Variants in GRID2 observed in about 807,000 individuals in gnomAD.
GRID2 encodes glutamate ionotropic receptor delta type subunit 2, also known as glutamate receptor ionotropic, delta-2.
GRID2 carries 33 observed loss-of-function variants against 114.8 expected under a neutral mutation model. The ratio of observed to expected loss-of-function variants is 0.29; its 90% CI spans 0.22 to 0.38. The LOEUF is 0.38. GRID2 is among the 10% of genes least tolerant of loss of function. The pLI is 1.00. For synonymous variants in GRID2, 505 were observed against 449.9 expected (o/e 1.12, Z -1.55); for missense variants, 1,184 against 1,257.7 (o/e 0.94, Z 0.89).
chr4:93,471,886 G>A (rs1432726947), intron 11 of GRID2, among the ~76,000 whole-genome samples: 2 of 149,014 alleles, frequency 1.3e-5, no homozygotes, highest in African/African-American at 2.5e-5. Context: ...TTTTAGGAGA[G>A]ACGGGGTTTC....
chr4:93,629,165 C>T (rs1001533948), intron 14 of GRID2, among the ~76,000 whole-genome samples: 2 of 149,188 alleles, frequency 1.3e-5, no homozygotes. Context: ...CTTATTAGCC[C>T]TGCAGTGCTT....
intron 1 of GRID2, among the ~76,000 whole-genome samples, chr4:92,476,086 C>T (rs373535652): frequency 8.5e-5 from 12 of 141,124 alleles, no homozygotes; most frequent in African/African-American, 3.2e-4. Flanking sequence ...AGTGCAGTGG[C>T]GCAATCTTGG....
intron 12 of GRID2, among the ~76,000 whole-genome samples, chr4:93,502,853 G>A (rs1376096145): frequency 6.6e-6 from 1 of 151,932 alleles, no homozygotes; most frequent in Admixed American, 6.6e-5. Flanking sequence ...TGAGGAAGGC[G>A]AGGAATAAGG....
intron 1 of GRID2, among the ~76,000 whole-genome samples, chr4:92,331,809 G>A (rs1477414971): frequency 6.6e-6 from 1 of 152,238 alleles, no homozygotes; most frequent in Admixed American, 6.5e-5. Flanking sequence ...ATAAGATGAG[G>A]TATTTACAAA....
At chr4:92,943,317 A>G (rs913069172) in intron 2 of GRID2, among the ~76,000 whole-genome samples, 1 of 151,666 alleles carries the variant, frequency 6.6e-6, no homozygotes, top group Non-Finnish European at 1.5e-5. Flanking sequence ...CATTTCATTC[A>G]TTTCATTCAT....
intron 4 of GRID2, among the ~76,000 whole-genome samples, chr4:93,149,065 C>CA (rs1736502741): frequency 6.6e-6 from 1 of 152,056 alleles, no homozygotes; most frequent in African/African-American, 2.4e-5. Context: ...AACAATTCTA[C>CA]ACAGTCCTGA....
At chr4:93,318,097 T>C (rs1333046225) in intron 8 of GRID2, among the ~76,000 whole-genome samples, 3 of 148,088 alleles carry the variant, frequency 2.0e-5, no homozygotes, top group African/African-American at 7.4e-5. Flanking sequence ...AGAAACAATA[T>C]AATTTATAAT....
intron 8 of GRID2, among the ~76,000 whole-genome samples, chr4:93,355,045 T>TAA (rs953187078): frequency 5.3e-5 from 8 of 151,748 alleles, no homozygotes; most frequent in Admixed American, 2.6e-4. Flanking sequence ...CATCAACATG[T>TAA]AAAAACCTCA....
chr4:93,265,315 C>G (rs1333950867), intron 8 of GRID2, among the ~76,000 whole-genome samples: 2 of 152,086 alleles, frequency 1.3e-5, no homozygotes, highest in Non-Finnish European at 2.9e-5. Context: ...CTTTTACTTA[C>G]AAGATTTAGG....
intron 9 of GRID2, among the ~76,000 whole-genome samples, chr4:93,398,133 G>GTGTGTGTGTGTGTGTATATATATATATA: frequency 1.6e-5 from 2 of 122,350 alleles, no homozygotes; most frequent in African/African-American, 7.7e-5. Context: ...ATGTGTGTGT[G>GTGTGTGTGTGTGTGTATATATATATATA]TATATATATA....
intron 2 of GRID2, among the ~76,000 whole-genome samples, chr4:92,876,329 C>T (rs1015130926): frequency 8.6e-5 from 13 of 151,044 alleles, no homozygotes; most frequent in South Asian, 4.2e-4. Flanking sequence ...GATGGAGTCT[C>T]GCTCTGTCGC....
At chr4:93,189,773 CCACACACACACACACACACACACACACA>C (rs34137840) in intron 4 of GRID2, among the ~76,000 whole-genome samples, 2 of 138,898 alleles carry the variant, frequency 1.4e-5, no homozygotes, top group African/African-American at 2.7e-5. Flanking sequence ...CCACACCACA[CCACACACACACACACACACACACACACA>C]CACACACACA....
chr4:93,074,252 G>C (rs1349526653), intron 2 of GRID2, among the ~76,000 whole-genome samples: 3 of 152,152 alleles, frequency 2.0e-5, no homozygotes, highest in Non-Finnish European at 4.4e-5. Flanking sequence ...AGGAGAGTCT[G>C]TATCAATATA....
At chr4:92,574,004 A>G (rs142136362) in intron 1 of GRID2, among the ~76,000 whole-genome samples, 2,557 of 152,290 alleles carry the variant, frequency 0.017, 81 homozygotes, top group African/African-American at 0.059. Flanking sequence ...TTGGGTGCAT[A>G]TATATTTAAG....
At chr4:92,334,877 G>A (rs187167025) in intron 1 of GRID2, among the ~76,000 whole-genome samples, 21 of 152,308 alleles carry the variant, frequency 1.4e-4, no homozygotes, top group African/African-American at 4.6e-4. Flanking sequence ...AATCACAGAG[G>A]AACAGAGCCA....
chr4:92,740,738 A>G (rs76084760), intron 2 of GRID2, among the ~76,000 whole-genome samples: 8,868 of 141,068 alleles, frequency 0.063, 464 homozygotes, highest in East Asian at 0.19. Flanking sequence ...ATAGATAGAT[A>G]GATGGATAGA....
intron 10 of GRID2, among the ~76,000 whole-genome samples, chr4:93,443,746 G>GA (rs1047337991): frequency 1.5e-4 from 22 of 148,834 alleles, no homozygotes; most frequent in South Asian, 1.1e-3. Context: ...GCTTCATATG[G>GA]AAAAAAAACC....
chr4:93,177,123 A>G (rs571148875), intron 4 of GRID2, among the ~76,000 whole-genome samples: 2 of 152,296 alleles, frequency 1.3e-5, no homozygotes, highest in East Asian at 1.9e-4. Context: ...AAGATGAGTT[A>G]TCCCAGTTTT....
intron 1 of GRID2, among the ~76,000 whole-genome samples, chr4:92,333,565 A>G (rs1050537352): frequency 1.3e-5 from 2 of 152,156 alleles, no homozygotes; most frequent in Non-Finnish European, 2.9e-5. Context: ...TTACATGGCC[A>G]GGCTATGAAT....
Sources: allele counts gnomAD v4.1 joint callset (sites outside exome capture counted in the v4.1 genomes callset), GRCh38; gene constraint gnomAD v4.1.1; transcripts MANE v1.5; gene names NCBI Gene and HGNC (gene_info 2026-07-23, HGNC 2026-07-21).